Variants in USP32 observed in about 807,000 individuals in gnomAD.
USP32 encodes ubiquitin carboxyl-terminal hydrolase 32.
In USP32, 59 loss-of-function variants were observed where a neutral mutation model predicts 204.8. The observed-to-expected ratio is 0.29, with a 90% CI of 0.23 to 0.36. The LOEUF (loss-of-function observed/expected upper bound fraction) is 0.36, where lower values mean the gene tolerates loss of function less well. Among genes scored for constraint, USP32 ranks in the 10% least tolerant of loss-of-function variants. USP32 has a pLI of 1.00. For synonymous variants in USP32, 517 were observed against 678.4 expected (o/e 0.76, Z 3.70); for missense variants, 1,160 against 1,946.4 (o/e 0.60, Z 7.60).
chr17:60,302,141 A>ATTTATTTATTTG (rs2087598144), intron 2 of USP32, among the ~76,000 whole-genome samples: 1 of 145,018 alleles, frequency 6.9e-6, no homozygotes, highest in African/African-American at 2.7e-5. Context: ...TTATTTATTT[A>ATTTATTTATTTG]TTTATTTATT....
intron 4 of USP32, among the ~76,000 whole-genome samples, chr17:60,293,676 A>G (rs936619665): frequency 6.6e-6 from 1 of 152,226 alleles, no homozygotes; most frequent in African/African-American, 2.4e-5. Flanking sequence ...TAAGAAACTA[A>G]TGATAGGCAG....
chr17:60,324,305 T>C, intron 2 of USP32, among the ~76,000 whole-genome samples: 1 of 150,276 alleles, frequency 6.7e-6, no homozygotes, highest in Non-Finnish European at 1.5e-5. Context: ...TATATATATT[T>C]TAATTAAAAA....
chr17:60,285,862 C>T (rs2087096691), intron 5 of USP32, among the ~76,000 whole-genome samples: 1 of 152,176 alleles, frequency 6.6e-6, no homozygotes, highest in Non-Finnish European at 1.5e-5. Context: ...GCAGCCCAGG[C>T]ACAGTGGCTC....
chr17:60,196,650 C>T (rs989234354), intron 27 of USP32, among the ~76,000 whole-genome samples: 1 of 151,806 alleles, frequency 6.6e-6, no homozygotes, highest in Admixed American at 6.6e-5. Flanking sequence ...CATGGTGAAA[C>T]CCTGTCTGTA....
chr17:60,339,115 T>G (rs150823981), intron 2 of USP32, among the ~76,000 whole-genome samples: 1 of 151,712 alleles, frequency 6.6e-6, no homozygotes, highest in African/African-American at 2.4e-5. Context: ...TTCACCATGT[T>G]GGCCAGGCTG....
chr17:60,387,653 C>T (rs117808145), intron 1 of USP32, among the ~76,000 whole-genome samples: 352 of 152,294 alleles, frequency 2.3e-3, no homozygotes, highest in Non-Finnish European at 4.0e-3. Flanking sequence ...AATAGGCTTA[C>T]ATTCTTTGAT....
At position 60,326,242 on chromosome 17, in the gene USP32, C is replaced by A. The variant is rs570606184; in HGVS notation, c.186+19239G>T. On this transcript the variant is annotated intron_variant, in intron 2 of 33. Transcript: ENST00000300896. Reference sequence around the variant, plus strand: ...TAGATTCATCATAAATCAAAGATTGCATTTCATCACACCCTCTGCCCTAGT... The same window carrying A: ...TAGATTCATCATAAATCAAAGATTGAATTTCATCACACCCTCTGCCCTAGT... Among the ~76,000 whole-genome samples the A allele has an allele frequency of 2.0e-5, 3 of 151,968 alleles. No homozygotes were observed. The East Asian group carries it at 5.8e-4, about 29-fold the overall frequency.
At position 60,294,520 on chromosome 17, in the gene USP32, TGA is replaced by T. The variant is rs1236165869; in HGVS notation, c.411+161_411+162del. 3.3e-5 allele frequency among the ~76,000 whole-genome samples: 5 copies of T among 152,144 alleles called. No homozygotes were observed. In the East Asian group the frequency reaches 9.6e-4, roughly 29 times the overall value. On this transcript the variant is annotated intron_variant, in intron 4 of 33. Coordinates refer to ENST00000300896, the MANE Select transcript of USP32 (RefSeq NM_032582.4). ...TTCAGATTTACAAATGTAACAGTAA[TGA>T]GAGTCATGCAATAGCACATAAATGG...
In USP32 at chr17:60,272,864, G is replaced by C. The variant is rs73318803; in HGVS notation, c.572-1383C>G. Among the ~76,000 whole-genome samples the C allele has an allele frequency of 3.3e-3, 501 of 152,316 alleles. 3 individuals are homozygous for C. The highest frequency in any genetic ancestry group is 0.011 in the African/African-American group (437 of 41,564). On this transcript the variant is annotated intron_variant, in intron 5 of 33. Coordinates refer to ENST00000300896, the MANE Select transcript of USP32 (RefSeq NM_032582.4). ...AGAGTTATGCCAAGAAAGGGCTCCA[G>C]AAATCTGCACATGTGTCTTACTGAG...
intron 9 of USP32, among the ~76,000 whole-genome samples, chr17:60,261,631 G>A (rs1232871780): frequency 6.6e-6 from 1 of 151,546 alleles, no homozygotes. Context: ...GGGTGACAGA[G>A]CAAGACTATC....
intron 32 of USP32, 115 bp from the exon 33 acceptor site, chr17:60,180,752 A>G: frequency 9.1e-7 from 1 of 1,103,510 alleles, no homozygotes; most frequent in East Asian, 2.5e-5. Context: ...GTAGGTGAAA[A>G]AATATTTTAG....
chr17:60,365,959 C>G (rs921760784), intron 1 of USP32, among the ~76,000 whole-genome samples: 1 of 152,036 alleles, frequency 6.6e-6, no homozygotes, highest in African/African-American at 2.4e-5. Context: ...GAGAGAGGGT[C>G]TCGCTCCCTT....
intron 1 of USP32, among the ~76,000 whole-genome samples, chr17:60,419,730 C>T (rs1009739708): frequency 2.2e-5 from 3 of 139,072 alleles, no homozygotes; most frequent in African/African-American, 8.0e-5. Flanking sequence ...GAGACACCAT[C>T]TCAAAAAAAA....
chr17:60,256,822 T>G, intron 9 of USP32: 1 of 1,060,716 alleles, frequency 9.4e-7, no homozygotes, highest in Non-Finnish European at 1.2e-6. Context: ...TATAGGTGAA[T>G]TCTGGATTGG....
At chr17:60,234,084 G>A (rs2085645734) in intron 12 of USP32, among the ~76,000 whole-genome samples, 1 of 151,812 alleles carries the variant, frequency 6.6e-6, no homozygotes, top group Non-Finnish European at 1.5e-5. Flanking sequence ...CAAGTAGCTG[G>A]GACTACAGGC....
At chr17:60,265,070 C>A (rs2086557155) in intron 9 of USP32, among the ~76,000 whole-genome samples, 1 of 152,048 alleles carries the variant, frequency 6.6e-6, no homozygotes, top group African/African-American at 2.4e-5. Flanking sequence ...AGTATATATT[C>A]TTTTTTGTTT....
intron 2 of USP32, among the ~76,000 whole-genome samples, chr17:60,331,535 C>T (rs2088383263): frequency 6.7e-6 from 1 of 149,542 alleles, no homozygotes; most frequent in African/African-American, 2.5e-5. Context: ...CACTGTACTC[C>T]AGCCTGGCCA....
intron 13 of USP32, among the ~76,000 whole-genome samples, chr17:60,225,548 C>G (rs1166660104): frequency 6.6e-6 from 1 of 152,144 alleles, no homozygotes; most frequent in African/African-American, 2.4e-5. Flanking sequence ...CTAATATATT[C>G]AAGAATTTTA....
chr17:60,355,978 G>A (rs2089067218), intron 1 of USP32, among the ~76,000 whole-genome samples: 1 of 142,430 alleles, frequency 7.0e-6, no homozygotes, highest in African/African-American at 2.6e-5. Flanking sequence ...CAATAGCTTT[G>A]AAAACCAAAA....
Sources: allele counts gnomAD v4.1 joint callset (sites outside exome capture counted in the v4.1 genomes callset), GRCh38; gene constraint gnomAD v4.1.1; transcripts MANE v1.5; gene names NCBI Gene and HGNC (gene_info 2026-07-23, HGNC 2026-07-21).